The following LPIN2 variants were observed in gnomAD, a reference collection of about 807,000 sequenced individuals.
LPIN2 encodes the protein lipin 2.
LPIN2 carries 55 observed loss-of-function variants against 111.4 expected under a neutral mutation model. The observed-to-expected ratio is 0.49, with a 90% CI of 0.40 to 0.62. The LOEUF is 0.62. LPIN2 is among the 20% of genes least tolerant of loss of function. The pLI is 0.00. For synonymous variants in LPIN2, 425 were observed against 414.0 expected (o/e 1.03, Z -0.32); for missense variants, 992 against 1,112.1 (o/e 0.89, Z 1.54).
chr18:2,967,246 C>T (rs1319201443), intron 1 of LPIN2, among the ~76,000 whole-genome samples: 1 of 152,110 alleles, frequency 6.6e-6, no homozygotes, highest in Admixed American at 6.6e-5. Flanking sequence ...TACCTCTGAC[C>T]CATGGCTTAA....
chr18:2,922,262 A>G, intron 16 of LPIN2, 63 bp from the exon 17 acceptor site: 1 of 1,346,718 alleles, frequency 7.4e-7, no homozygotes, highest in Non-Finnish European at 1.0e-6. Context: ...AACAAAAAAC[A>G]AAAAAAAAAC....
chr18:2,964,282 CA>C lies in LPIN2; in HGVS notation c.-9-3434del, dbSNP rs56276815. The stretch of plus-strand genomic sequence containing the variant: ...TGGGTGACAGAGCAAGACTCCGTCT[CA>C]AAAAAAAAAAAAAAAAAAAAAAGAA... On this transcript the variant is annotated intron_variant, in intron 1 of 19. Transcript: ENST00000677752. 1.9e-3 allele frequency among the ~76,000 whole-genome samples: 107 copies of C among 56,842 alleles called. 2 individuals are homozygous for C. The highest frequency in any genetic ancestry group is 0.012 in the Middle Eastern group (1 of 86). The allele number at this position is 56,842 out of a possible 152,430, so 37.3% of individuals were successfully genotyped here. A position where few individuals can be genotyped will look rare whatever the true frequency, so the allele number is the denominator to read the frequency against.
chr18:2,933,219 T>C, intron 8 of LPIN2, among the ~76,000 whole-genome samples: 1 of 152,222 alleles, frequency 6.6e-6, no homozygotes, highest in Non-Finnish European at 1.5e-5. Context: ...AGAAGCTTAC[T>C]TAGTGCATGG....
intron 1 of LPIN2, among the ~76,000 whole-genome samples, chr18:2,974,831 A>G (rs973200487): frequency 3.3e-5 from 5 of 152,158 alleles, no homozygotes; most frequent in African/African-American, 1.2e-4. Context: ...ATCTCTACAG[A>G]GAATTTTTTT....
At chr18:2,985,556 AACAGAATCCTGTTCAGATTCC>A (rs1171915638) in intron 1 of LPIN2, 1 of 152,214 alleles carries the variant, frequency 6.6e-6, no homozygotes, top group Non-Finnish European at 1.5e-5. Context: ...AGTTAGGAAA[AACAGAATCCTGTTCAGATTCC>A]ACAGCTTTAA....
intron 1 of LPIN2, among the ~76,000 whole-genome samples, chr18:2,984,149 T>C (rs1255662491): frequency 6.6e-6 from 1 of 152,176 alleles, no homozygotes; most frequent in Non-Finnish European, 1.5e-5. Flanking sequence ...CAGTAACATA[T>C]CACCAAGGTT....
chr18:2,972,004 G>A (rs939848105), intron 1 of LPIN2, among the ~76,000 whole-genome samples: 25 of 152,146 alleles, frequency 1.6e-4, no homozygotes, highest in Admixed American at 3.3e-4. Flanking sequence ...CCAAGATCGC[G>A]CCACTGCATT....
At chr18:2,972,915 T>G (rs1037210041) in intron 1 of LPIN2, among the ~76,000 whole-genome samples, 5 of 152,250 alleles carry the variant, frequency 3.3e-5, no homozygotes, top group Middle Eastern at 6.3e-3. Flanking sequence ...TTTTGACCTC[T>G]GTACATGAGG....
At position 2,954,494 on chromosome 18, in the gene LPIN2, G is replaced by A. The variant is rs766750528; in HGVS notation, c.288+10C>T. 1.9e-6 allele frequency: 3 copies of A among 1,599,864 alleles called. No individual in the cohort carries two copies. Among genetic ancestry groups the A allele is most frequent in the South Asian group, 1.1e-5 (1 of 90,774 alleles). On this transcript the variant is annotated intron_variant, in intron 3 of 19. Coordinates refer to ENST00000677752, the MANE Select transcript of LPIN2 (RefSeq NM_001375808.2). ...ACTGTGTAAGGAGGGTGTAACCCAT[G>A]CAAACTTACATATTCTTCTTCAGTC...
At position 2,929,134 on chromosome 18, in the gene LPIN2, GTAATGA is replaced by G; in HGVS notation, c.1475_1480del (p.Ile492_Ile493del). The G allele has an allele frequency of 6.2e-7, 1 of 1,605,744 alleles. No individual in the cohort carries two copies. Among genetic ancestry groups the G allele is most frequent in the Non-Finnish European group, 8.5e-7 (1 of 1,172,698 alleles). On this transcript the variant is annotated inframe_deletion, in exon 10 of 20. Transcript: ENST00000677752. ...AGGGTTTTCTGCAAATTCGTGATAA[GTAATGA>G]TATGCTCCATGAATTTTTCTGCAAT...
chr18:3,007,769 G>T (rs72873107), intron 1 of LPIN2, among the ~76,000 whole-genome samples: 3 of 152,144 alleles, frequency 2.0e-5, no homozygotes, highest in African/African-American at 7.2e-5. Context: ...TCATATTAAC[G>T]ATCTGATGGT....
intron 17 of LPIN2, 142 bp from the exon 18 acceptor site, chr18:2,921,789 T>C: frequency 1.3e-6 from 1 of 776,806 alleles, no homozygotes; most frequent in Non-Finnish European, 2.1e-6. Context: ...TCTTTGCCAG[T>C]CTGATAACTA....
chr18:2,982,223 A>G (rs185738915), intron 1 of LPIN2, among the ~76,000 whole-genome samples: 1 of 152,326 alleles, frequency 6.6e-6, no homozygotes, highest in Non-Finnish European at 1.5e-5. Flanking sequence ...ATCCAAATAC[A>G]ACGTCAGCTT....
intron 2 of LPIN2, 58 bp downstream of exon 2, chr18:2,960,591 C>T (rs1345014725): frequency 6.5e-7 from 1 of 1,549,228 alleles, no homozygotes; most frequent in East Asian, 2.2e-5. Flanking sequence ...CTTGAGGACA[C>T]TCACTCACTT....
chr18:2,995,390 C>A (rs927349534), intron 1 of LPIN2, among the ~76,000 whole-genome samples: 3 of 152,234 alleles, frequency 2.0e-5, no homozygotes, highest in Non-Finnish European at 2.9e-5. Context: ...TCCAACTGAA[C>A]CCCACTCTTC....
intron 1 of LPIN2, among the ~76,000 whole-genome samples, chr18:3,010,564 G>A (rs544588576): frequency 6.6e-6 from 1 of 152,258 alleles, no homozygotes; most frequent in East Asian, 1.9e-4. Flanking sequence ...TACCAATCTG[G>A]CACGGCAAGT....
chr18:2,997,290 G>GT (rs1245782861), intron 1 of LPIN2, among the ~76,000 whole-genome samples: 3 of 151,722 alleles, frequency 2.0e-5, no homozygotes, highest in Non-Finnish European at 2.9e-5. Context: ...ACTCATTTTT[G>GT]TTTTTTGTTT....
At chr18:2,936,266 T>C (rs906252645) in intron 7 of LPIN2, among the ~76,000 whole-genome samples, 2 of 152,220 alleles carry the variant, frequency 1.3e-5, no homozygotes, top group African/African-American at 4.8e-5. Context: ...TGGGTAATTT[T>C]AGAGAAGGTT....
chr18:2,953,353 G>C (rs941266024), intron 3 of LPIN2, among the ~76,000 whole-genome samples: 9 of 151,846 alleles, frequency 5.9e-5, no homozygotes, highest in East Asian at 5.8e-4. Context: ...TACAAAAAGT[G>C]GTTTTTTTTT....
Sources: gnomAD v4.1 joint callset for allele counts (sites outside exome capture counted in the v4.1 genomes callset) on GRCh38, gnomAD v4.1.1 for gene constraint, MANE v1.5 for transcripts, NCBI Gene and HGNC (gene_info 2026-07-23, HGNC 2026-07-21) for gene names.